Variants in NRXN3 observed in about 807,000 individuals in gnomAD.
The protein encoded by NRXN3 is neurexin 3.
NRXN3 carries 32 observed loss-of-function variants against 137.6 expected under a neutral mutation model. The observed-to-expected ratio is 0.23, with a 90% CI of 0.18 to 0.31. NRXN3 has a LOEUF of 0.31. Ranked by LOEUF, NRXN3 falls within the 10% of genes least tolerant of loss-of-function variation. The probability of loss-of-function intolerance (pLI) is 1.00; values close to 1 mark genes in which losing one functional copy is unlikely to be tolerated. For missense variants in NRXN3, 1,574 were observed against 2,062.5 expected (o/e 0.76, Z 4.59); for synonymous variants, 798 against 784.5 (o/e 1.02, Z -0.29).
intron 4 of NRXN3, among the ~76,000 whole-genome samples, chr14:78,309,118 T>C (rs1172573047): frequency 6.6e-6 from 1 of 152,118 alleles, no homozygotes; most frequent in Non-Finnish European, 1.5e-5. Flanking sequence ...GGGTAAGTTT[T>C]AAATGTTCTG....
rs2095938084 is a variant in NRXN3, at chr14:79,441,235, G to A, written c.3263-25986G>A. Among the ~76,000 whole-genome samples, 5 of 152,088 alleles carry A rather than the reference G, an allele frequency of 3.3e-5. No individual in the cohort carries two copies. In the South Asian group the frequency reaches 1.0e-3, roughly 32 times the overall value. On this transcript the variant is annotated intron_variant, in intron 15 of 20. Transcript: ENST00000335750. ...CCCATACTTGAGAAGGTAGCAAAGA[G>A]TAGCAAAGAGACCTGGATCTCTGTA...
chr14:78,548,415 C>T (rs2096656289), intron 4 of NRXN3, among the ~76,000 whole-genome samples: 1 of 152,204 alleles, frequency 6.6e-6, no homozygotes, highest in African/African-American at 2.4e-5. Flanking sequence ...TAGGACGGCC[C>T]CACTAGACTC....
intron 8 of NRXN3, among the ~76,000 whole-genome samples, chr14:78,779,561 C>A (rs891749021): frequency 6.6e-6 from 1 of 151,920 alleles, no homozygotes; most frequent in Non-Finnish European, 1.5e-5. Context: ...CTTTTATTTG[C>A]AGAAAGTCCA....
intron 4 of NRXN3, among the ~76,000 whole-genome samples, chr14:78,356,593 A>G (rs777736101): frequency 6.6e-6 from 1 of 152,160 alleles, no homozygotes; most frequent in Non-Finnish European, 1.5e-5. Flanking sequence ...GAACCCCGTT[A>G]CCAGGGAAAC....
intron 1 of NRXN3, among the ~76,000 whole-genome samples, chr14:78,225,952 GGT>G (rs5809869): frequency 1.8e-4 from 23 of 124,766 alleles, no homozygotes; most frequent in South Asian, 1.6e-3. Flanking sequence ...GTGTTTTTTT[GGT>G]GTGTGTGTGT....
intron 10 of NRXN3, among the ~76,000 whole-genome samples, chr14:78,935,920 A>G (rs2099336902): frequency 6.6e-6 from 1 of 152,092 alleles, no homozygotes; most frequent in East Asian, 1.9e-4. Flanking sequence ...CCTTTCATTC[A>G]TTTCACTCTG....
intron 16 of NRXN3, among the ~76,000 whole-genome samples, chr14:79,472,585 G>C (rs2096524092): frequency 6.6e-6 from 1 of 152,172 alleles, no homozygotes; most frequent in African/African-American, 2.4e-5. Context: ...ATGAGATTCT[G>C]TAGAGCGAGG....
At position 78,986,489 on chromosome 14, in the gene NRXN3, C is replaced by CA. The variant is rs376681932; in HGVS notation, c.3143-1526dup. Among the ~76,000 whole-genome samples, 8 of 151,980 alleles carry CA rather than the reference C, an allele frequency of 5.3e-5. No homozygotes were observed. In the East Asian group the frequency reaches 1.5e-3, roughly 29 times the overall value. ...TGGCAATCTGTAAGAGAGAGATCATCAAAAAAATTTTAATGCCCCCACATG... is the reference window on the plus strand; with the variant it reads ...TGGCAATCTGTAAGAGAGAGATCATCAAAAAAAATTTTAATGCCCCCACATG... On this transcript the variant is annotated intron_variant, in intron 14 of 20. Transcript: ENST00000335750.
At chr14:78,234,717 A>G (rs1456696224) in intron 1 of NRXN3, among the ~76,000 whole-genome samples, 3 of 151,978 alleles carry the variant, frequency 2.0e-5, no homozygotes, top group African/African-American at 2.4e-5. Flanking sequence ...TTTCCTTTCT[A>G]CTAACATATA....
intron 19 of NRXN3, among the ~76,000 whole-genome samples, chr14:79,756,672 C>G (rs1459721570): frequency 6.6e-6 from 1 of 152,114 alleles, no homozygotes; most frequent in Non-Finnish European, 1.5e-5. Context: ...CTTTCTTATA[C>G]CAGTCAAATT....
chr14:79,763,288 G>A (rs972755220), intron 19 of NRXN3, among the ~76,000 whole-genome samples: 1 of 151,536 alleles, frequency 6.6e-6, no homozygotes, highest in African/African-American at 2.4e-5. Flanking sequence ...CATTTGGATT[G>A]GTTCCAAGTC....
chr14:79,697,665 A>G lies in NRXN3; in HGVS notation c.3742A>G (p.Ile1248Val). ...QLTIFNTQAQ[I>V]AIGGKDKGRL... ...AACCATCTTCAACACTCAGGCGCAA[A>G]TAGCCATTGGTGGAAAGGACAAAGG... The change falls in exon 19 of 21, where the codon ATA becomes GTA. Residue 1248 changes from isoleucine to valine, a missense_variant. By Grantham distance (29) the Ile-to-Val change is conservative. Coordinates refer to ENST00000335750, the MANE Select transcript of NRXN3 (RefSeq NM_001330195.2). 6.2e-7 allele frequency: 1 copy of G among 1,612,810 alleles called. No homozygotes were observed. The highest frequency in any genetic ancestry group is 8.5e-7 in the Non-Finnish European group (1 of 1,179,174).
intron 1 of NRXN3, among the ~76,000 whole-genome samples, chr14:78,234,763 T>C (rs1445216259): frequency 1.3e-5 from 2 of 152,082 alleles, no homozygotes; most frequent in African/African-American, 4.8e-5. Context: ...TTTATTTATT[T>C]ATCTGTATGT....
intron 16 of NRXN3, among the ~76,000 whole-genome samples, chr14:79,535,583 T>C (rs1243632953): frequency 6.6e-6 from 1 of 152,202 alleles, no homozygotes; most frequent in Non-Finnish European, 1.5e-5. Flanking sequence ...TACCTTTTTG[T>C]AATAAATTAT....
chr14:78,238,214 A>G (rs1447179879), intron 1 of NRXN3, among the ~76,000 whole-genome samples: 1 of 141,158 alleles, frequency 7.1e-6, no homozygotes, highest in Non-Finnish European at 1.5e-5. Context: ...TTAACCCCAC[A>G]TAAAAAGTGT....
chr14:78,195,132 G>A (rs1474028166), intron 1 of NRXN3, among the ~76,000 whole-genome samples: 1 of 145,792 alleles, frequency 6.9e-6, no homozygotes, highest in African/African-American at 2.6e-5. Flanking sequence ...ATTTCAAGCT[G>A]AGATAATGTT....
intron 15 of NRXN3, among the ~76,000 whole-genome samples, chr14:79,036,216 A>G (rs1189794027): frequency 6.6e-6 from 1 of 151,832 alleles, no homozygotes; most frequent in Non-Finnish European, 1.5e-5. Context: ...CTTCCCCCCC[A>G]CCTCCAACTT....
intron 19 of NRXN3, among the ~76,000 whole-genome samples, chr14:79,710,191 T>C (rs1025486561): frequency 6.6e-6 from 1 of 152,174 alleles, no homozygotes; most frequent in Non-Finnish European, 1.5e-5. Context: ...CTTTTGTCTT[T>C]ATTGAGTCTC....
chr14:79,777,813 C>T (rs2099101715), intron 19 of NRXN3, among the ~76,000 whole-genome samples: 1 of 149,960 alleles, frequency 6.7e-6, no homozygotes, highest in Admixed American at 6.7e-5. Flanking sequence ...ATTTTATTGA[C>T]AATATAAAAA....
Sources: allele counts gnomAD v4.1 joint callset (sites outside exome capture counted in the v4.1 genomes callset), GRCh38; gene constraint gnomAD v4.1.1; transcripts MANE v1.5; gene names NCBI Gene and HGNC (gene_info 2026-07-23, HGNC 2026-07-21).